Variants in CFAP299 observed in about 807,000 individuals in gnomAD.
CFAP299 encodes the protein cilia and flagella associated protein 299, also known as cilia- and flagella-associated protein 299.
In CFAP299, 21 loss-of-function variants were observed where a neutral mutation model predicts 27.0. The ratio of observed to expected loss-of-function variants is 0.78; its 90% CI spans 0.55 to 1.12. The LOEUF is 1.12. Ranked by LOEUF, CFAP299 falls within the 50% of genes most tolerant of loss-of-function variation. The pLI, the probability that CFAP299 is intolerant of heterozygous loss-of-function variation, is 0.00. For missense variants in CFAP299, 310 were observed against 276.6 expected (o/e 1.12, Z -0.86); for synonymous variants, 104 against 98.1 (o/e 1.06, Z -0.36).
At chr4:80,465,419 C>T (rs1729653843) in intron 2 of CFAP299, among the ~76,000 whole-genome samples, 1 of 152,114 alleles carries the variant, frequency 6.6e-6, no homozygotes, top group Admixed American at 6.6e-5. Context: ...GGGTTTGTCA[C>T]CTCAGACAAG....
chr4:80,628,549 G>T (rs895088483), intron 3 of CFAP299, among the ~76,000 whole-genome samples: 3 of 152,112 alleles, frequency 2.0e-5, no homozygotes, highest in Non-Finnish European at 2.9e-5. Flanking sequence ...GAGACAACGT[G>T]CAGAATGGAA....
At chr4:80,384,520 C>T (rs1724869847) in intron 2 of CFAP299, among the ~76,000 whole-genome samples, 1 of 152,150 alleles carries the variant, frequency 6.6e-6, no homozygotes, top group African/African-American at 2.4e-5. Context: ...TTGTTAACTA[C>T]TTGTGATCTC....
chr4:80,466,668 CCA>C (rs1477274435), intron 2 of CFAP299, among the ~76,000 whole-genome samples: 4 of 152,190 alleles, frequency 2.6e-5, no homozygotes, highest in Admixed American at 6.5e-5. Context: ...CTACTCCAAA[CCA>C]CAGAGTCAGC....
intron 3 of CFAP299, among the ~76,000 whole-genome samples, chr4:80,663,814 T>C (rs924159312): frequency 2.0e-5 from 3 of 152,228 alleles, no homozygotes; most frequent in Non-Finnish European, 4.4e-5. Context: ...ACTGACGTTT[T>C]AATGATTGCG....
intron 2 of CFAP299, among the ~76,000 whole-genome samples, chr4:80,576,192 A>C (rs1041298567): frequency 6.3e-5 from 2 of 31,528 alleles, no homozygotes; most frequent in Non-Finnish European, 1.5e-4. Flanking sequence ...AATAATAAAA[A>C]AAAAAATATA....
intron 3 of CFAP299, among the ~76,000 whole-genome samples, chr4:80,626,128 A>T (rs1478770889): frequency 6.6e-6 from 1 of 151,988 alleles, no homozygotes; most frequent in Admixed American, 6.6e-5. Flanking sequence ...TCTAGGATAG[A>T]TTATATGTTA....
intron 2 of CFAP299, among the ~76,000 whole-genome samples, chr4:80,576,565 T>C (rs983354785): frequency 2.6e-5 from 4 of 152,154 alleles, no homozygotes; most frequent in African/African-American, 9.6e-5. Flanking sequence ...TATAAATATA[T>C]ACAAATGGTT....
intron 3 of CFAP299, among the ~76,000 whole-genome samples, chr4:80,809,497 C>T (rs115298486): frequency 0.01 from 1,595 of 152,212 alleles, 31 homozygotes; most frequent in African/African-American, 0.035. Context: ...AAGGTGTCTA[C>T]ACAGCCAGGA....
At chr4:80,688,973 C>T (rs1034191511) in intron 3 of CFAP299, among the ~76,000 whole-genome samples, 4 of 151,868 alleles carry the variant, frequency 2.6e-5, no homozygotes, top group African/African-American at 4.8e-5. Context: ...TGAAATGAAG[C>T]GAGAAGGGAA....
At chr4:80,470,358 T>C (rs1250776148) in intron 2 of CFAP299, among the ~76,000 whole-genome samples, 1 of 152,198 alleles carries the variant, frequency 6.6e-6, no homozygotes, top group African/African-American at 2.4e-5. Flanking sequence ...ACCTTCTCGT[T>C]TTCTTTCTTA....
At chr4:80,387,249 C>G (rs181893588) in intron 2 of CFAP299, 1 of 1,592,446 alleles carries the variant, frequency 6.3e-7, no homozygotes, top group Non-Finnish European at 8.6e-7. Flanking sequence ...CAGAAGTGGC[C>G]GGGGTAGCTC....
chr4:80,810,234 T>C (rs1259470821), intron 3 of CFAP299, among the ~76,000 whole-genome samples: 1 of 151,954 alleles, frequency 6.6e-6, no homozygotes, highest in East Asian at 1.9e-4. Context: ...CAACATACTA[T>C]TCATATTTGT....
At chr4:80,805,028 C>T (rs1474203867) in intron 3 of CFAP299, among the ~76,000 whole-genome samples, 1 of 151,690 alleles carries the variant, frequency 6.6e-6, no homozygotes, top group African/African-American at 2.4e-5. Context: ...CTTTTGTGTA[C>T]GTTCTATAGC....
intron 3 of CFAP299, among the ~76,000 whole-genome samples, chr4:80,699,537 C>T (rs1239108253): frequency 6.6e-6 from 1 of 152,136 alleles, no homozygotes; most frequent in Non-Finnish European, 1.5e-5. Flanking sequence ...ATTTTCTCTC[C>T]TCTGATCAAG....
intron 2 of CFAP299, among the ~76,000 whole-genome samples, chr4:80,493,051 C>T (rs1324504340): frequency 6.6e-6 from 1 of 152,146 alleles, no homozygotes; most frequent in Non-Finnish European, 1.5e-5. Context: ...GTAGAGTCAA[C>T]AAGACTCCAG....
chr4:80,422,458 C>A (rs1255507690), intron 2 of CFAP299, among the ~76,000 whole-genome samples: 1 of 152,070 alleles, frequency 6.6e-6, no homozygotes, highest in Non-Finnish European at 1.5e-5. Flanking sequence ...ATAGGCCGAC[C>A]CTAAGTTCCT....
At chr4:80,546,564 G>A (rs887078821) in intron 2 of CFAP299, among the ~76,000 whole-genome samples, 1 of 152,154 alleles carries the variant, frequency 6.6e-6, no homozygotes, top group Non-Finnish European at 1.5e-5. Flanking sequence ...ATGTTGAAAT[G>A]TAATCCCCAA....
At chr4:80,692,549 A>G (rs1218477277) in intron 3 of CFAP299, among the ~76,000 whole-genome samples, 2 of 152,204 alleles carry the variant, frequency 1.3e-5, no homozygotes, top group Admixed American at 6.5e-5. Context: ...TCAATTCAAG[A>G]TGGATTAAAG....
intron 2 of CFAP299, among the ~76,000 whole-genome samples, chr4:80,394,086 G>T (rs1049340130): frequency 2.0e-5 from 3 of 152,122 alleles, no homozygotes; most frequent in South Asian, 2.1e-4. Context: ...GAAGGTACTT[G>T]CTTCTTATTC....
Sources: allele counts gnomAD v4.1 joint callset (sites outside exome capture counted in the v4.1 genomes callset), GRCh38; gene constraint gnomAD v4.1.1; transcripts MANE v1.5; gene names NCBI Gene and HGNC (gene_info 2026-07-23, HGNC 2026-07-21).